The following DGKH variants were observed in gnomAD, a reference collection of about 807,000 sequenced individuals.
DGKH encodes the protein DAG kinase eta.
In DGKH, 90 loss-of-function variants were observed where a neutral mutation model predicts 159.3. The observed-to-expected ratio is 0.57, with a 90% confidence interval of 0.48 to 0.67. The LOEUF (loss-of-function observed/expected upper bound fraction) is 0.67, where lower values mean the gene tolerates loss of function less well. DGKH is among the 30% of genes least tolerant of loss of function. DGKH has a pLI of 0.00. For synonymous variants in DGKH, 536 were observed against 553.8 expected, an observed-to-expected ratio of 0.97 and a Z score of 0.45; for missense variants, 1,181 against 1,506.1, an observed-to-expected ratio of 0.78 and a Z score of 3.57.
intron 1 of DGKH, among the ~76,000 whole-genome samples, chr13:42,101,398 C>G (rs1954649825): frequency 6.6e-6 from 1 of 152,248 alleles, no homozygotes; most frequent in Admixed American, 6.5e-5. Context: ...ACAGTAGCCA[C>G]TAGCTACATG....
chr13:42,053,341 A>G (rs1304766822), intron 1 of DGKH, among the ~76,000 whole-genome samples: 1 of 148,752 alleles, frequency 6.7e-6, no homozygotes, highest in Admixed American at 6.7e-5. Context: ...AAATCTTACT[A>G]CTACTACTAA....
In DGKH at chr13:42,241,139, T is replaced by A. The variant is rs535848289; in HGVS notation, c.*11951T>A. 2.6e-5 allele frequency: 4 copies of A among 152,142 alleles called. No homozygotes were observed. Among genetic ancestry groups the A allele is most frequent in the Admixed American group, 1.3e-4 (2 of 15,268 alleles). The allele number at this position is 152,142 out of a possible 1,614,324, so 9.4% of individuals were successfully genotyped here. A position where few individuals can be genotyped will look rare whatever the true frequency, so the allele number is the denominator to read the frequency against. Reference sequence around the variant, plus strand: ...AAAAAAGAAAAAAAATCAAAATAATTGTAATTAACTGAAATGCCCTGTTCC... The same window carrying A: ...AAAAAAGAAAAAAAATCAAAATAATAGTAATTAACTGAAATGCCCTGTTCC... On this transcript the variant is annotated 3_prime_UTR_variant, in exon 30 of 30. Transcript: ENST00000337343.
chr13:42,051,636 T>G (rs1440626483), intron 1 of DGKH, among the ~76,000 whole-genome samples: 1 of 139,182 alleles, frequency 7.2e-6, no homozygotes, highest in Non-Finnish European at 1.5e-5. Flanking sequence ...TAAGATTAGC[T>G]CAAAGCCATC....
intron 3 of DGKH, among the ~76,000 whole-genome samples, chr13:42,143,197 T>C (rs1348013521): frequency 1.3e-5 from 2 of 152,116 alleles, no homozygotes; most frequent in Non-Finnish European, 2.9e-5. Flanking sequence ...TGCTGGATTA[T>C]GTTTATTGAT....
At chr13:42,135,736 G>A (rs1955391293) in intron 3 of DGKH, among the ~76,000 whole-genome samples, 1 of 152,114 alleles carries the variant, frequency 6.6e-6, no homozygotes, top group African/African-American at 2.4e-5. Flanking sequence ...TGAGGCTAGA[G>A]AGAATTGATC....
chr13:42,053,484 A>G (rs1291002010), intron 1 of DGKH, among the ~76,000 whole-genome samples: 1 of 147,162 alleles, frequency 6.8e-6, no homozygotes, highest in Non-Finnish European at 1.5e-5. Context: ...GTATAACTAT[A>G]TAACTATATG....
rs999513975 is a variant in DGKH, at chr13:42,234,619, T to C, written c.*5431T>C. On this transcript the variant is annotated 3_prime_UTR_variant, in exon 30 of 30. Coordinates refer to ENST00000337343, the MANE Select transcript of DGKH (RefSeq NM_178009.5). ...TGGGTTTGAAGTTTGGTAATACAAG[T>C]GGCAGTTTTAAAACACCAAATTCTT... 1 of 152,162 alleles carries C rather than the reference T, an allele frequency of 6.6e-6. No individual in the cohort carries two copies. Among genetic ancestry groups the C allele is most frequent in the Non-Finnish European group, 1.5e-5 (1 of 68,018 alleles). The allele number at this position is 152,162 out of a possible 1,614,324, so 9.4% of individuals were successfully genotyped here.
intron 21 of DGKH, among the ~76,000 whole-genome samples, chr13:42,208,227 G>T (rs916683521): frequency 1.3e-5 from 2 of 152,012 alleles, no homozygotes. Context: ...GTTTTAATTA[G>T]CTTATTACTT....
intron 29 of DGKH, among the ~76,000 whole-genome samples, chr13:42,248,241 G>C (rs1958595651): frequency 6.6e-6 from 1 of 151,994 alleles, no homozygotes; most frequent in Non-Finnish European, 1.5e-5. Flanking sequence ...GGCCAACATA[G>C]TGAAACCCTG....
chr13:42,256,396 T>G lies in DGKH; in HGVS notation n.4240T>G, dbSNP rs568006034. 35 of 1,582,404 alleles carry G rather than the reference T, an allele frequency of 2.2e-5. No individual in the cohort carries two copies. The African/African-American group carries it at 3.8e-4, about 17-fold the overall frequency. On this transcript the variant is annotated non_coding_transcript_exon_variant, in exon 31 of 31. Transcript: ENST00000498255. ...CAGCTCTCAATCCTCGTATAGCGTA[T>G]GACAAGGCAGCAAAGATTGCTAAGA...
intron 29 of DGKH, among the ~76,000 whole-genome samples, chr13:42,223,201 G>A (rs431307): frequency 0.68 from 103,174 of 151,986 alleles, 35,232 homozygotes; most frequent in East Asian, 0.88. Flanking sequence ...TGTTCTCTGC[G>A]GTTGTAGCTG....
At chr13:42,208,198 C>T (rs1430402128) in intron 21 of DGKH, among the ~76,000 whole-genome samples, 1 of 151,974 alleles carries the variant, frequency 6.6e-6, no homozygotes, top group Non-Finnish European at 1.5e-5. Flanking sequence ...AACTTTGTGT[C>T]CTGATATTTT....
intron 29 of DGKH, among the ~76,000 whole-genome samples, chr13:42,251,557 G>A (rs780630174): frequency 3.3e-5 from 5 of 151,940 alleles, no homozygotes; most frequent in Admixed American, 1.3e-4. Context: ...TGAAAGGAAC[G>A]CTTCCAAGCT....
rs192179385 is a variant in DGKH at position 42,221,164 on chromosome 13, C to T, written c.3443-100C>T. The T allele has an allele frequency of 1.6e-5, 24 of 1,466,746 alleles. No homozygotes were observed. The Admixed American group carries it at 4.3e-4, about 26-fold the overall frequency. The allele number at this position is 1,466,746 out of a possible 1,614,324, so 90.9% of individuals were successfully genotyped here. The stretch of plus-strand genomic sequence containing the variant: ...CCTTTAACCTTTTCTTTTGCTAGCA[C>T]TGCCGCTGCACTCTGTTTTGCATCT... On this transcript the variant is annotated intron_variant, in intron 28 of 29. Coordinates refer to ENST00000337343, the MANE Select transcript of DGKH (RefSeq NM_178009.5).
At chr13:42,141,775 G>A (rs1955568928) in intron 3 of DGKH, among the ~76,000 whole-genome samples, 1 of 152,134 alleles carries the variant, frequency 6.6e-6, no homozygotes, top group African/African-American at 2.4e-5. Context: ...GTTTGTTGGA[G>A]TTCATTGTAG....
chr13:42,194,829 G>A, intron 16 of DGKH, 56 bp from the exon 17 acceptor site: 1 of 1,551,128 alleles, frequency 6.4e-7, no homozygotes, highest in Non-Finnish European at 8.7e-7. Context: ...ATAGGAACGT[G>A]CTTATTTTTA....
intron 1 of DGKH, among the ~76,000 whole-genome samples, chr13:42,057,521 AGTG>A (rs1321930721): frequency 3.3e-5 from 5 of 152,222 alleles, no homozygotes; most frequent in African/African-American, 9.6e-5. Context: ...TGTGAAGCAC[AGTG>A]GTAAAATGAA....
chr13:42,149,543 T>C (rs1040306853), intron 3 of DGKH, among the ~76,000 whole-genome samples: 8 of 152,218 alleles, frequency 5.3e-5, no homozygotes, highest in African/African-American at 1.9e-4. Context: ...AGGAATACTT[T>C]GTATTTTCTA....
intron 11 of DGKH, among the ~76,000 whole-genome samples, chr13:42,170,262 T>C (rs1956415072): frequency 6.6e-6 from 1 of 152,238 alleles, no homozygotes; most frequent in Non-Finnish European, 1.5e-5. Flanking sequence ...GAAATTCACT[T>C]CTCAGTCGGG....
Sources: gnomAD v4.1 joint callset for allele counts (sites outside exome capture counted in the v4.1 genomes callset) on GRCh38, gnomAD v4.1.1 for gene constraint, MANE v1.5 for transcripts, NCBI Gene and HGNC (gene_info 2026-07-23, HGNC 2026-07-21) for gene names.